The following SLC4A2 variants were observed in gnomAD, a reference collection of about 807,000 sequenced individuals.
SLC4A2 encodes the protein anion exchange protein 2.
In SLC4A2, 36 loss-of-function variants were observed where a neutral mutation model predicts 115.0. The ratio of observed to expected loss-of-function variants is 0.31; its 90% CI spans 0.24 to 0.41. The LOEUF is 0.41. Ranked by LOEUF, SLC4A2 falls within the 10% of genes least tolerant of loss-of-function variation. The probability of loss-of-function intolerance (pLI) is 1.00; values close to 1 mark genes in which losing one functional copy is unlikely to be tolerated. For synonymous variants in SLC4A2, 708 were observed against 708.3 expected (o/e 1.00, Z 0.01); for missense variants, 1,252 against 1,705.6 (o/e 0.73, Z 4.68).
At position 151,074,080 on chromosome 7, in the gene SLC4A2, C is replaced by T. The variant is rs1344494972; in HGVS notation, c.2577C>T (p.Asn859=). The change falls in exon 17 of 23, where the codon AAC becomes AAT. Residue 859 remains asparagine (N), a synonymous_variant. Coordinates refer to ENST00000413384, the MANE Select transcript of SLC4A2 (RefSeq NM_003040.4). ...EHPLHGCSAS[N]SSEVDGGENM... ...CCCTGCATGGCTGCTCAGCCTCCAA[C>T]AGCTCAGAGGTGGACGGCGGTGAGA... The T allele has an allele frequency of 3.1e-6, 5 of 1,602,118 alleles. No homozygotes were observed. The highest frequency in any genetic ancestry group is 4.3e-6 in the Non-Finnish European group (5 of 1,171,984).
At chr7:151,065,520 T>C (rs1391316628) in intron 5 of SLC4A2, among the ~76,000 whole-genome samples, 1 of 152,204 alleles carries the variant, frequency 6.6e-6, no homozygotes, top group Non-Finnish European at 1.5e-5. Context: ...AGTGGATGAT[T>C]GGCATTTGGG....
At position 151,071,983 on chromosome 7, in the gene SLC4A2, G is replaced by A. The variant is rs1284939607; in HGVS notation, c.2382G>A (p.Val794=). 3 of 1,614,014 alleles carry A rather than the reference G, an allele frequency of 1.9e-6. No homozygotes were observed. Among genetic ancestry groups the A allele is most frequent in the Admixed American group, 3.3e-5 (2 of 60,004 alleles). ...SNHLEYLVGR[V]WIGFWLVFLA... Reference sequence around the variant, plus strand: ...ACCTGGAGTACCTGGTGGGCCGTGTGTGGATCGGCTTCTGGCTGGTGTTCC... The same window carrying A: ...ACCTGGAGTACCTGGTGGGCCGTGTATGGATCGGCTTCTGGCTGGTGTTCC... Residue 794 remains valine, a synonymous_variant, in exon 16 of 23, where the codon GTG becomes GTA. Coordinates refer to ENST00000413384, the MANE Select transcript of SLC4A2 (RefSeq NM_003040.4). This position sits in a 1 kb window ranked among gnomAD's most constrained non-coding sequence, Gnocchi z 5.5.
upstream of SLC4A2, chr7:151,058,204 T>A (rs1796946560): frequency 3.2e-5 from 14 of 436,344 alleles, no homozygotes; most frequent in East Asian, 6.3e-4. Context: ...TTATTCCTTT[T>A]ATGTGCTCCC....
intron 2 of SLC4A2, chr7:151,063,206 T>A: frequency 1.3e-5 from 1 of 79,290 alleles, no homozygotes; most frequent in Non-Finnish European, 2.0e-5. Context: ...GCTGTGGGGG[T>A]GGGGTGAGGG....
chr7:151,076,373 A>ACCGAGGGACAG lies in SLC4A2; in HGVS notation c.*16_*26dup, dbSNP rs761858664. The ACCGAGGGACAG allele has an allele frequency of 5.4e-6, 8 of 1,488,462 alleles. No individual in the cohort carries two copies. The highest frequency in any genetic ancestry group is 2.4e-5 in the Admixed American group (1 of 40,942). The allele number at this position is 1,488,462 out of a possible 1,614,324, so 92.2% of individuals were successfully genotyped here. A position where few individuals can be genotyped will look rare whatever the true frequency, so the allele number is the denominator to read the frequency against. ...AGATGCCCATGCCTGTGTAGCCGCC[A>ACCGAGGGACAG]CCGAGGGACAGCCGAGGGACCGATG... On this transcript the variant is annotated 3_prime_UTR_variant, in exon 23 of 23. Coordinates refer to ENST00000413384, the MANE Select transcript of SLC4A2 (RefSeq NM_003040.4).
In SLC4A2 at chr7:151,071,804, G is replaced by T. The variant is rs1337501711; in HGVS notation, c.2307G>T (p.Gly769=). 9 of 1,609,978 alleles carry T rather than the reference G, an allele frequency of 5.6e-6. No homozygotes were observed. The highest frequency in any genetic ancestry group is 6.8e-6 in the Non-Finnish European group (8 of 1,179,130). Residue 769 remains glycine (G), a synonymous_variant, in exon 15 of 23, where the codon GGG becomes GGT. Transcript: ENST00000413384. The surrounding 1 kb of genome is among the most constrained non-coding windows in gnomAD (Gnocchi z 5.5). ...CCCTGTTGGTGATCGGCTTCTCAGG[G>T]CCCCTGCTGGTCTTTGAGGAGGCCT... is the stretch of plus-strand genomic sequence containing the variant. ...AQPLLVIGFS[G]PLLVFEEAFF...
At chr7:151,068,169 C>T (rs1797301430) in intron 8 of SLC4A2, 115 bp downstream of exon 8, 3 of 747,422 alleles carry the variant, frequency 4.0e-6, no homozygotes, top group South Asian at 5.1e-5. Flanking sequence ...CCAGAGGAAG[C>T]ATGGTCCACA....
At position 151,064,287 on chromosome 7, in the gene SLC4A2, G is replaced by A. The variant is rs1441514446; in HGVS notation, c.137G>A (p.Arg46Gln). 1.9e-6 allele frequency: 3 copies of A among 1,612,360 alleles called. No individual in the cohort carries two copies. The highest frequency in any genetic ancestry group is 2.5e-6 in the Non-Finnish European group (3 of 1,179,890). ...CTTCACCGCACCCTGGGCGTGGAGCGGTTTGAGGAGATCCTACAGGAGGCC... is the reference window on the plus strand; with the variant it reads ...CTTCACCGCACCCTGGGCGTGGAGCAGTTTGAGGAGATCCTACAGGAGGCC... ...DELHRTLGVE[R>Q]FEEILQEAGS... The change falls in exon 3 of 23, where the codon CGG (arginine) becomes CAG (glutamine). Residue 46 changes from arginine (R) to glutamine (Q), a missense_variant. Coordinates refer to ENST00000413384, the MANE Select transcript of SLC4A2 (RefSeq NM_003040.4).
At chr7:151,067,119 C>A in intron 7 of SLC4A2, 126 bp downstream of exon 7, 1 of 1,030,042 alleles carries the variant, frequency 9.7e-7, no homozygotes, top group Non-Finnish European at 1.4e-6. Context: ...GAGACAGTCT[C>A]GCTCTGTTGC....
Position 151,071,317 on chromosome 7 carries a change from G to C in SLC4A2, c.1975+20G>C, listed in dbSNP as rs1433083921. 1.9e-6 allele frequency: 3 copies of C among 1,544,906 alleles called. No homozygotes were observed. The African/African-American group carries it at 4.1e-5, about 21-fold the overall frequency. ...ATAAGGGTACGGCCAGGGCGGGCTG[G>C]GGCCAGGGCTGCCTCGAGGGGGTGA... On this transcript the variant is annotated intron_variant, in intron 13 of 22. Transcript: ENST00000413384. This position sits in a 1 kb window ranked among gnomAD's most constrained non-coding sequence, Gnocchi z 5.5.
At chr7:151,063,412 G>C (rs1029449406) in intron 2 of SLC4A2, among the ~76,000 whole-genome samples, 1 of 152,216 alleles carries the variant, frequency 6.6e-6, no homozygotes, top group Non-Finnish European at 1.5e-5. Context: ...GCCAACTGGA[G>C]TTTCTTCACT....
chr7:151,076,395 G>A lies in SLC4A2; in HGVS notation c.*28G>A, dbSNP rs2150380734. The A allele has an allele frequency of 1.0e-5, 15 of 1,461,368 alleles. No individual in the cohort carries two copies. Among genetic ancestry groups the A allele is most frequent in the South Asian group, 1.5e-5 (1 of 68,480 alleles). 90.5% of individuals were successfully genotyped at this position (1,461,368 alleles called of 1,614,324 possible). A position where few individuals can be genotyped will look rare whatever the true frequency, so the allele number is the denominator to read the frequency against. On this transcript the variant is annotated 3_prime_UTR_variant, in exon 23 of 23. Transcript: ENST00000413384. Reference sequence around the variant, plus strand: ...GCCACCGAGGGACAGCCGAGGGACCGATGGACGAGGGGACAGGCTGGTGGG... The same window carrying A: ...GCCACCGAGGGACAGCCGAGGGACCAATGGACGAGGGGACAGGCTGGTGGG...
In SLC4A2 at chr7:151,060,730, C is replaced by G. The variant is rs34411853; in HGVS notation, c.-64+968C>G. Among the ~76,000 whole-genome samples the G allele has an allele frequency of 5.4e-3, 820 of 152,304 alleles. 7 individuals are homozygous for G. The highest frequency in any genetic ancestry group is 0.019 in the African/African-American group (785 of 41,570). ...TGCACTCACGCTCACCCACACCACC[C>G]GCCCTGGCTGAAGGCCTGCTGAGGG... On this transcript the variant is annotated intron_variant, in intron 1 of 22. Coordinates refer to ENST00000413384, the MANE Select transcript of SLC4A2 (RefSeq NM_003040.4). This position sits in a 1 kb window ranked among gnomAD's most constrained non-coding sequence, Gnocchi z 5.9.
Position 151,066,882 on chromosome 7 carries a change from G to A in SLC4A2, c.855G>A (p.Arg285=), listed in dbSNP as rs375079247. The change falls in exon 7 of 23, where the codon CGG becomes CGA. Residue 285 remains arginine (R), a synonymous_variant. Transcript: ENST00000413384. ...GGTTTGAGGACGTTCCTGGGGTGCGGCGGCACTTGGTGCGGAAGAATGCCA... is the reference window on the plus strand; with the variant it reads ...GGTTTGAGGACGTTCCTGGGGTGCGACGGCACTTGGTGCGGAAGAATGCCA... The part of the protein sequence containing the change: ...SHRFEDVPGV[R]RHLVRKNAKG... The A allele has an allele frequency of 5.8e-5, 93 of 1,613,552 alleles. No individual in the cohort carries two copies. The African/African-American group carries it at 7.7e-4, about 13-fold the overall frequency.
Position 151,064,276 on chromosome 7 carries a change from G to A in SLC4A2, c.126G>A (p.Leu42=). The change falls in exon 3 of 23, where the codon CTG becomes CTA. Residue 42 remains leucine, a synonymous_variant. Coordinates refer to ENST00000413384, the MANE Select transcript of SLC4A2 (RefSeq NM_003040.4). The part of the protein sequence containing the change: ...EQEEDELHRT[L]GVERFEEILQ... ...AGGAAGACGAACTTCACCGCACCCT[G>A]GGCGTGGAGCGGTTTGAGGAGATCC... The A allele has an allele frequency of 6.2e-7, 1 of 1,612,570 alleles. No homozygotes were observed.
chr7:151,067,346 A>G (rs964760708), intron 7 of SLC4A2, among the ~76,000 whole-genome samples: 3 of 152,140 alleles, frequency 2.0e-5, no homozygotes, highest in African/African-American at 7.2e-5. Flanking sequence ...TCGGCCTCCC[A>G]AAGTGCTAGG....
Position 151,070,489 on chromosome 7 carries a change from C to T in SLC4A2, c.1482C>T (p.Gly494=), listed in dbSNP as rs759102832. ...TGCCGCCTCCAGCACCACCAGCTGG[C>T]ATCACCCGCTCCAAGTCCAAGCACG... ...RELPPPAPPA[G]ITRSKSKHEL... Residue 494 remains glycine, a synonymous_variant, in exon 11 of 23, where the codon GGC becomes GGT. Coordinates refer to ENST00000413384, the MANE Select transcript of SLC4A2 (RefSeq NM_003040.4). The T allele has an allele frequency of 1.2e-6, 2 of 1,613,510 alleles. No homozygotes were observed. The highest frequency in any genetic ancestry group is 1.7e-6 in the Non-Finnish European group (2 of 1,179,798).
chr7:151,062,472 G>A, intron 2 of SLC4A2: 1 of 1,313,154 alleles, frequency 7.6e-7, no homozygotes, highest in Non-Finnish European at 9.8e-7. Flanking sequence ...CCCCCACGTG[G>A]CCACCGCTCC....
chr7:151,062,783 G>C (rs1370028502), intron 2 of SLC4A2: 2 of 1,365,964 alleles, frequency 1.5e-6, no homozygotes, highest in African/African-American at 1.5e-5. Flanking sequence ...GGGGAGCCAG[G>C]AGATGGACAG....
Sources: gnomAD v4.1 joint callset for allele counts (sites outside exome capture counted in the v4.1 genomes callset) on GRCh38, gnomAD v4.1.1 for gene constraint, Gnocchi (gnomAD v3.1) non-coding constraint, MANE v1.5 for transcripts, NCBI Gene and HGNC (gene_info 2026-07-23, HGNC 2026-07-21) for gene names.